The following CR2 variants were observed in gnomAD, a reference collection of about 807,000 sequenced individuals.
CR2 encodes the protein complement C3d receptor 2, also known as complement receptor type 2.
Under a neutral mutation model 123.0 loss-of-function variants are expected in CR2, and 96 were observed. That is an observed-to-expected ratio of 0.78 (90% CI 0.66 to 0.93). CR2 has a LOEUF of 0.93. Ranked by LOEUF, CR2 falls within the 40% of genes least tolerant of loss-of-function variation. The probability of loss-of-function intolerance (pLI) is 0.00; values close to 1 mark genes in which losing one functional copy is unlikely to be tolerated. For missense variants in CR2, 1,258 were observed against 1,361.0 expected (o/e 0.92, Z 1.19); for synonymous variants, 484 against 469.5 (o/e 1.03, Z -0.40).
intron 1 of CR2, among the ~76,000 whole-genome samples, chr1:207,460,735 A>G (rs1349004314): frequency 2.0e-5 from 3 of 152,090 alleles, no homozygotes; most frequent in African/African-American, 7.2e-5. Context: ...CCTATCTCCT[A>G]GAATAACTTC....
intron 1 of CR2, among the ~76,000 whole-genome samples, chr1:207,461,179 CT>C (rs1572947050): frequency 1.3e-5 from 2 of 152,198 alleles, no homozygotes; most frequent in South Asian, 2.1e-4. Context: ...TCCGCTCCCC[CT>C]ACCACCCTTA....
At position 207,476,258 on chromosome 1, in the gene CR2, C is replaced by A; in HGVS notation, c.2741C>A (p.Pro914His). ...GCCTTCATAGGGTGTCCACCTCCGC[C>A]TAAGACCCCTAACGGGAACCATACT... Reference protein sequence around the residue: ...KKAFIGCPPPPKTPNGNHTGG... With the variant: ...KKAFIGCPPPHKTPNGNHTGG... The change falls in exon 15 of 20, where the codon CCT becomes CAT. Residue 914 changes from proline to histidine, a missense_variant. Physicochemically the swap from Pro to His is moderately conservative, Grantham distance 77. Coordinates refer to ENST00000367057, the MANE Select transcript of CR2 (RefSeq NM_001006658.3). 6.2e-7 allele frequency: 1 copy of A among 1,613,822 alleles called. No individual in the cohort carries two copies. The highest frequency in any genetic ancestry group is 1.1e-5 in the South Asian group (1 of 91,076).
intron 18 of CR2, among the ~76,000 whole-genome samples, chr1:207,484,937 C>T (rs1476955097): frequency 2.0e-5 from 3 of 152,144 alleles, no homozygotes; most frequent in South Asian, 2.1e-4. Context: ...AGTCATTAAG[C>T]GTCCTGGATC....
chr1:207,469,032 T>C (rs994207068), intron 4 of CR2, 118 bp from the exon 5 acceptor site: 8 of 1,342,568 alleles, frequency 6.0e-6, no homozygotes, highest in African/African-American at 2.9e-5. Flanking sequence ...GAGGTAATGC[T>C]GATAAAAGGA....
At chr1:207,484,623 G>A (rs1335068769) in intron 18 of CR2, among the ~76,000 whole-genome samples, 1 of 152,220 alleles carries the variant, frequency 6.6e-6, no homozygotes, top group Admixed American at 6.5e-5. Flanking sequence ...ATTCTAGTGA[G>A]TGACATGCTG....
chr1:207,464,112 A>G (rs1658030709), intron 1 of CR2, among the ~76,000 whole-genome samples: 1 of 152,196 alleles, frequency 6.6e-6, no homozygotes, highest in African/African-American at 2.4e-5. Context: ...TCCATGCAAA[A>G]AGTAAGCCAC....
chr1:207,460,791 C>A (rs1289212298), intron 1 of CR2, among the ~76,000 whole-genome samples: 1 of 151,998 alleles, frequency 6.6e-6, no homozygotes, highest in African/African-American at 2.4e-5. Context: ...TCACAGGAAT[C>A]TGTGTTGAAA....
At chr1:207,459,945 C>G (rs956573978) in intron 1 of CR2, among the ~76,000 whole-genome samples, 2 of 152,160 alleles carry the variant, frequency 1.3e-5, no homozygotes, top group Admixed American at 1.3e-4. Flanking sequence ...AAAGTGTGAT[C>G]CGTATCTCCT....
chr1:207,485,773 A>G (rs999661664), intron 19 of CR2, among the ~76,000 whole-genome samples: 4 of 152,228 alleles, frequency 2.6e-5, no homozygotes, highest in Admixed American at 2.0e-4. Flanking sequence ...TCATCCATTC[A>G]ACAAATATTA....
At position 207,480,099 on chromosome 1, in the gene CR2, T is replaced by A. The variant is rs17258996; in HGVS notation, c.3188+46T>A. 263,369 of 1,393,920 alleles carry A rather than the reference T, an allele frequency of 0.19. 26,069 individuals are homozygous for A. Among genetic ancestry groups the A allele is most frequent in the Middle Eastern group, 0.25 (1,387 of 5,624 alleles). The allele number at this position is 1,393,920 out of a possible 1,614,324, so 86.3% of individuals were successfully genotyped here. On this transcript the variant is annotated intron_variant, in intron 18 of 19. Coordinates refer to ENST00000367057, the MANE Select transcript of CR2 (RefSeq NM_001006658.3). ...TTGATTGACCAACATGCACAAGTGG[T>A]TTCGGCTTCTTGTCTGAAACTAAAC...
chr1:207,454,550 C>G lies in CR2; in HGVS notation c.58+74C>G, dbSNP rs1474634027. On this transcript the variant is annotated intron_variant, in intron 1 of 19. Transcript: ENST00000367057. The surrounding 1 kb of genome is among the most constrained non-coding windows in gnomAD (Gnocchi z 4.3). Reference sequence around the variant, plus strand: ...AAAGTTTCTGTGCCGCGATGCAAAGCAGGGGGCCAAAAGCGAGACGGTGGG... The same window carrying G: ...AAAGTTTCTGTGCCGCGATGCAAAGGAGGGGGCCAAAAGCGAGACGGTGGG... 2 of 1,199,438 alleles carry G rather than the reference C, an allele frequency of 1.7e-6. No individual in the cohort carries two copies. Among genetic ancestry groups the G allele is most frequent in the Non-Finnish European group, 2.3e-6 (2 of 869,168 alleles). 74.3% of individuals were successfully genotyped at this position (1,199,438 alleles called of 1,614,324 possible).
intron 12 of CR2, 142 bp from the exon 13 acceptor site, chr1:207,474,099 C>G: frequency 2.3e-6 from 2 of 887,152 alleles, no homozygotes; most frequent in Non-Finnish European, 3.7e-6. Context: ...AGTTTTTTTA[C>G]TTGGAGTAAA....
chr1:207,466,415 TA>T, intron 1 of CR2, 110 bp from the exon 2 acceptor site: 2 of 1,257,464 alleles, frequency 1.6e-6, no homozygotes, highest in Non-Finnish European at 2.3e-6. Context: ...TACATATTTC[TA>T]AGTCTGTTTC....
chr1:207,489,523 T>C lies in CR2; in HGVS notation c.*400T>C, dbSNP rs1056228336. The C allele has an allele frequency of 2.0e-5, 3 of 152,270 alleles. No homozygotes were observed. Among genetic ancestry groups the C allele is most frequent in the African/African-American group, 7.2e-5 (3 of 41,468 alleles). 9.4% of individuals were successfully genotyped at this position (152,270 alleles called of 1,614,324 possible). A position where few individuals can be genotyped will look rare whatever the true frequency, so the allele number is the denominator to read the frequency against. ...TATCTGCTTTTGGTTATAATGTGTT[T>C]TTAATTATCTAAAGTATGAAGCATT... On this transcript the variant is annotated 3_prime_UTR_variant, in exon 20 of 20. Transcript: ENST00000367057.
chr1:207,477,999 T>C lies in CR2; in HGVS notation c.3017T>C (p.Leu1006Pro). The C allele has an allele frequency of 1.9e-6, 3 of 1,614,010 alleles. No individual in the cohort carries two copies. The highest frequency in any genetic ancestry group is 2.5e-6 in the Non-Finnish European group (3 of 1,179,982). Residue 1006 changes from leucine to proline, a missense_variant, in exon 16 of 20, where the codon CTG (leucine) becomes CCG (proline). Coordinates refer to ENST00000367057, the MANE Select transcript of CR2 (RefSeq NM_001006658.3). ...VTLECEDGYMLEGSPQSQCQS... is the reference protein window; with the variant it reads ...VTLECEDGYMPEGSPQSQCQS... ...CTGGAGTGTGAAGATGGGTATATGC[T>C]GGAAGGCAGTCCCCAGAGCCAGTGC...
intron 1 of CR2, among the ~76,000 whole-genome samples, chr1:207,455,852 C>A (rs1405526556): frequency 6.6e-6 from 1 of 152,172 alleles, no homozygotes; most frequent in African/African-American, 2.4e-5. Context: ...TTAACTGGAG[C>A]CCCATGAAAT....
Position 207,473,069 on chromosome 1 carries a change from A to G in CR2, c.1868A>G (p.Asn623Ser), listed in dbSNP as rs2102306009. 3 of 1,614,014 alleles carry G rather than the reference A, an allele frequency of 1.9e-6. No individual in the cohort carries two copies. Among genetic ancestry groups the G allele is most frequent in the Non-Finnish European group, 2.5e-6 (3 of 1,179,916 alleles). The change falls in exon 10 of 20, where the codon AAT becomes AGT. Residue 623 changes from asparagine (N) to serine (S), a missense_variant. Asn to Ser is a conservative substitution (Grantham distance 46, BLOSUM62 1). Transcript: ENST00000367057. ...ISGKEAPYFYNDTVTFKCYSG... is the reference protein window; with the variant it reads ...ISGKEAPYFYSDTVTFKCYSG... The stretch of plus-strand genomic sequence containing the variant: ...GGCAAGGAAGCCCCATATTTCTACA[A>G]TGACACTGTGACATTCAAGTGTTAT...
chr1:207,464,970 G>A lies in CR2; in HGVS notation c.59-1556G>A, dbSNP rs182958592. 4.1e-4 allele frequency among the ~76,000 whole-genome samples: 62 copies of A among 152,132 alleles called. 2 individuals carry two copies. The highest frequency in any genetic ancestry group is 1.3e-3 in the African/African-American group (54 of 41,510). Reference sequence around the variant, plus strand: ...TTTTGAGATGGAGTCTCGCTCAGTCGCCCAGGCTGGAGTGCAATGGCGTGA... The same window carrying A: ...TTTTGAGATGGAGTCTCGCTCAGTCACCCAGGCTGGAGTGCAATGGCGTGA... On this transcript the variant is annotated intron_variant, in intron 1 of 19. Transcript: ENST00000367057.
chr1:207,478,033 T>A lies in CR2; in HGVS notation c.3051T>A (p.Asp1017Glu), dbSNP rs1256152648. The change falls in exon 16 of 20, where the codon GAT becomes GAA. Residue 1017 changes from aspartate (D) to glutamate (E), a missense_variant. Physicochemically the swap from Asp to Glu is conservative, Grantham distance 45. Transcript: ENST00000367057. ...GTCCCCAGAGCCAGTGCCAATCGGA[T>A]CACCAATGGAACCCTCCCCTGGCGG... The part of the protein sequence containing the change: ...EGSPQSQCQS[D>E]HQWNPPLAVC... 6.2e-7 allele frequency: 1 copy of A among 1,613,984 alleles called. No individual in the cohort carries two copies. The highest frequency in any genetic ancestry group is 2.2e-5 in the East Asian group (1 of 44,844).
Sources: allele counts gnomAD v4.1 joint callset (sites outside exome capture counted in the v4.1 genomes callset), GRCh38; gene constraint gnomAD v4.1.1; non-coding constraint Gnocchi (gnomAD v3.1); transcripts MANE v1.5; gene names NCBI Gene and HGNC (gene_info 2026-07-23, HGNC 2026-07-21).